Variants in NDUFAF2 observed in about 807,000 individuals in gnomAD.
NDUFAF2 encodes the protein NADH:ubiquinone oxidoreductase complex assembly factor 2, also known as NADH dehydrogenase [ubiquinone] 1 alpha subcomplex assembly factor 2.
Under a neutral mutation model 22.8 loss-of-function variants are expected in NDUFAF2, and 13 were observed. The observed-to-expected ratio is 0.57, with a 90% CI of 0.37 to 0.91. NDUFAF2 has a LOEUF of 0.91. Ranked by LOEUF, NDUFAF2 falls within the 40% of genes least tolerant of loss-of-function variation. The pLI, the probability that NDUFAF2 is intolerant of heterozygous loss-of-function variation, is 0.01. For missense variants in NDUFAF2, 162 were observed against 195.2 expected (o/e 0.83, Z 1.01); for synonymous variants, 53 against 64.2 (o/e 0.83, Z 0.84).
At chr5:60,959,474 G>A (rs762896520) in intron 1 of NDUFAF2, among the ~76,000 whole-genome samples, 4 of 151,934 alleles carry the variant, frequency 2.6e-5, no homozygotes, top group Non-Finnish European at 5.9e-5. Context: ...AATGATAGAA[G>A]TGGCAATTAT....
At chr5:61,071,626 G>A (rs1204086631) in intron 1 of NDUFAF2, among the ~76,000 whole-genome samples, 2 of 152,206 alleles carry the variant, frequency 1.3e-5, no homozygotes, top group Admixed American at 1.3e-4. Flanking sequence ...TTAGCATAGT[G>A]TAAGATTGGC....
At chr5:61,037,241 C>T (rs917734820) in intron 1 of NDUFAF2, among the ~76,000 whole-genome samples, 34 of 152,212 alleles carry the variant, frequency 2.2e-4, no homozygotes, top group African/African-American at 7.7e-4. Context: ...AGAAGAGATT[C>T]ATATGCACAC....
chr5:61,099,039 C>G lies in NDUFAF2; in HGVS notation c.258+7C>G. On this transcript the variant is annotated splice_region_variant and intron_variant, in intron 3 of 3. Coordinates refer to ENST00000296597, the MANE Select transcript of NDUFAF2 (RefSeq NM_174889.5). Reference sequence around the variant, plus strand: ...GACTCCACCTACTATGGAGGTAAGACTACACAAGGAGGATATCATTTAGGA... The same window carrying G: ...GACTCCACCTACTATGGAGGTAAGAGTACACAAGGAGGATATCATTTAGGA... The G allele has an allele frequency of 6.3e-7, 1 of 1,592,232 alleles. No homozygotes were observed. The highest frequency in any genetic ancestry group is 8.6e-7 in the Non-Finnish European group (1 of 1,163,224).
At chr5:61,122,728 A>G (rs2111800873) in intron 3 of NDUFAF2, among the ~76,000 whole-genome samples, 1 of 152,272 alleles carries the variant, frequency 6.6e-6, no homozygotes. Context: ...TAAATTCTCA[A>G]TTTCAGTGGA....
intron 3 of NDUFAF2, among the ~76,000 whole-genome samples, chr5:61,128,352 G>A (rs1036026693): frequency 6.6e-6 from 1 of 152,106 alleles, no homozygotes; most frequent in Admixed American, 6.6e-5. Context: ...TCAATCCTAA[G>A]CTAAAAGAAC....
intron 3 of NDUFAF2, among the ~76,000 whole-genome samples, chr5:61,138,501 C>G (rs1015458607): frequency 6.6e-6 from 1 of 152,166 alleles, no homozygotes; most frequent in Non-Finnish European, 1.5e-5. Flanking sequence ...CCTCCTCCCC[C>G]CCAGATCGTG....
intron 3 of NDUFAF2, among the ~76,000 whole-genome samples, chr5:61,119,849 T>C (rs1018890185): frequency 6.6e-6 from 1 of 152,214 alleles, no homozygotes; most frequent in Non-Finnish European, 1.5e-5. Flanking sequence ...GCCAATACTA[T>C]GATCTTACTT....
At chr5:61,062,683 T>C (rs368768582) in intron 1 of NDUFAF2, among the ~76,000 whole-genome samples, 4 of 152,152 alleles carry the variant, frequency 2.6e-5, no homozygotes, top group African/African-American at 9.7e-5. Flanking sequence ...GGGAGAGATA[T>C]GGATATCCAG....
chr5:61,008,098 A>C lies in NDUFAF2; in HGVS notation c.127+62716A>C, dbSNP rs542668373. Among the ~76,000 whole-genome samples, 134 of 145,418 alleles carry C rather than the reference A, an allele frequency of 9.2e-4. 1 individual carries two copies. Among genetic ancestry groups the C allele is most frequent in the South Asian group, 2.8e-3 (13 of 4,592 alleles). On this transcript the variant is annotated intron_variant, in intron 1 of 3. Coordinates refer to ENST00000296597, the MANE Select transcript of NDUFAF2 (RefSeq NM_174889.5). The stretch of plus-strand genomic sequence containing the variant: ...CTTCTCACTCACAGGTGGGAATTGA[A>C]CAATGAGAACACATGGACAGAGGAA...
At chr5:60,950,032 C>T (rs893646029) in intron 1 of NDUFAF2, among the ~76,000 whole-genome samples, 7 of 152,180 alleles carry the variant, frequency 4.6e-5, no homozygotes, top group Admixed American at 1.3e-4. Context: ...TGGATAGAGA[C>T]AGTTTTGTTT....
chr5:61,146,510 T>C (rs771982176), intron 3 of NDUFAF2: 3 of 152,248 alleles, frequency 2.0e-5, no homozygotes, highest in Non-Finnish European at 4.4e-5. Context: ...TATAATACCT[T>C]CATTTTTAAG....
chr5:61,042,092 G>C (rs917124656), intron 1 of NDUFAF2, among the ~76,000 whole-genome samples: 1 of 152,140 alleles, frequency 6.6e-6, no homozygotes, highest in African/African-American at 2.4e-5. Flanking sequence ...TTTGGACTTA[G>C]AACTATTATT....
At chr5:61,062,942 A>G (rs561532128) in intron 1 of NDUFAF2, among the ~76,000 whole-genome samples, 1 of 152,134 alleles carries the variant, frequency 6.6e-6, no homozygotes, top group Non-Finnish European at 1.5e-5. Flanking sequence ...AGTTAAGAAT[A>G]CTATACCCAA....
intron 3 of NDUFAF2, among the ~76,000 whole-genome samples, chr5:61,136,003 C>CCATATATA (rs1740923936): frequency 1.7e-5 from 1 of 57,658 alleles, no homozygotes; most frequent in African/African-American, 1.1e-4. Context: ...CTAAGCCTGT[C>CCATATATA]TTTATATATA....
intron 3 of NDUFAF2, among the ~76,000 whole-genome samples, chr5:61,101,982 A>AC (rs922873247): frequency 5.3e-5 from 8 of 152,112 alleles, no homozygotes; most frequent in African/African-American, 1.9e-4. Context: ...AGATTGCTGG[A>AC]CCCCAAGCTT....
chr5:61,118,758 A>G (rs184459139), intron 3 of NDUFAF2, among the ~76,000 whole-genome samples: 41 of 152,312 alleles, frequency 2.7e-4, no homozygotes, highest in Non-Finnish European at 5.1e-4. Flanking sequence ...TTGAAGATAA[A>G]ATGTGCAAAA....
chr5:61,132,398 C>A (rs1753123379), intron 3 of NDUFAF2, among the ~76,000 whole-genome samples: 1 of 152,032 alleles, frequency 6.6e-6, no homozygotes, highest in African/African-American at 2.4e-5. Context: ...CTTTTTGCTT[C>A]CCTCCCCCAC....
intron 1 of NDUFAF2, among the ~76,000 whole-genome samples, chr5:61,000,559 A>G (rs1234049559): frequency 6.6e-6 from 1 of 152,192 alleles, no homozygotes. Context: ...TATCTCTAAC[A>G]ACAATGAAAT....
chr5:61,142,088 C>T (rs1016357415), intron 3 of NDUFAF2, among the ~76,000 whole-genome samples: 1 of 152,188 alleles, frequency 6.6e-6, no homozygotes, highest in Admixed American at 6.5e-5. Flanking sequence ...TCTTCCCACA[C>T]AAGGGAGCAA....
Sources: allele counts gnomAD v4.1 joint callset (sites outside exome capture counted in the v4.1 genomes callset), GRCh38; gene constraint gnomAD v4.1.1; transcripts MANE v1.5; gene names NCBI Gene and HGNC (gene_info 2026-07-23, HGNC 2026-07-21).